EPS15: variants seen among roughly 807,000 people sequenced by gnomAD.
The protein encoded by EPS15 is epidermal growth factor receptor pathway substrate 15, also known as epidermal growth factor receptor substrate 15.
A neutral mutation model predicts 113.8 loss-of-function variants in EPS15; 72 were observed. The ratio of observed to expected loss-of-function variants is 0.63; its 90% CI spans 0.52 to 0.77. The LOEUF is 0.77. Ranked by LOEUF, EPS15 falls within the 30% of genes least tolerant of loss-of-function variation. The pLI, the probability that EPS15 is intolerant of heterozygous loss-of-function variation, is 0.00. For synonymous variants in EPS15, 344 were observed against 363.4 expected, an observed-to-expected ratio of 0.95 and a Z score of 0.61; for missense variants, 1,048 against 1,045.8, an observed-to-expected ratio of 1.00 and a Z score of -0.03.
intron 1 of EPS15, among the ~76,000 whole-genome samples, chr1:51,489,287 A>G (rs1644185916): frequency 1.0e-5 from 1 of 97,126 alleles, no homozygotes; most frequent in African/African-American, 3.5e-5. Flanking sequence ...CTAGTATACC[A>G]TATATATATA....
chr1:51,510,790 G>A (rs1371223471), intron 1 of EPS15, among the ~76,000 whole-genome samples: 1 of 152,116 alleles, frequency 6.6e-6, no homozygotes, highest in Non-Finnish European at 1.5e-5. Context: ...GCAGGCTTAA[G>A]AATAAAAATA....
At chr1:51,501,504 G>A (rs939267370) in intron 1 of EPS15, among the ~76,000 whole-genome samples, 2 of 151,890 alleles carry the variant, frequency 1.3e-5, no homozygotes, top group Non-Finnish European at 2.9e-5. Context: ...TTCTTGAGAC[G>A]AGTCTTGCTC....
intron 7 of EPS15, among the ~76,000 whole-genome samples, chr1:51,462,739 T>A (rs1259492505): frequency 6.6e-6 from 1 of 152,078 alleles, no homozygotes; most frequent in African/African-American, 2.4e-5. Context: ...TGGGGATAGT[T>A]GCATAATAAT....
chr1:51,482,744 G>C (rs1644044857), intron 1 of EPS15, among the ~76,000 whole-genome samples: 2 of 152,114 alleles, frequency 1.3e-5, no homozygotes, highest in Admixed American at 1.3e-4. Context: ...GGGATTACAA[G>C]CATGAGCCAC....
intron 11 of EPS15, among the ~76,000 whole-genome samples, chr1:51,443,652 TC>T (rs1652775780): frequency 1.3e-5 from 2 of 152,016 alleles, no homozygotes. Context: ...TTTCTTTCTT[TC>T]TTTCTTTTTT....
intron 12 of EPS15, among the ~76,000 whole-genome samples, chr1:51,424,867 C>T (rs1222894874): frequency 6.6e-6 from 1 of 151,982 alleles, no homozygotes; most frequent in Non-Finnish European, 1.5e-5. Context: ...CAGGCCACTG[C>T]ACTCCAGCCT....
intron 8 of EPS15, chr1:51,458,746 A>C (rs2148496582): frequency 4.2e-6 from 1 of 238,318 alleles, no homozygotes; most frequent in Middle Eastern, 1.7e-3. Flanking sequence ...AAAAAAAAAA[A>C]AAATTTGTCT....
At chr1:51,408,716 T>C (rs1649385769) in intron 14 of EPS15, among the ~76,000 whole-genome samples, 1 of 152,066 alleles carries the variant, frequency 6.6e-6, no homozygotes. Context: ...AGGCTCAACT[T>C]TCCCAGGCTC....
Position 51,516,509 on chromosome 1 carries a change from C to G in EPS15, c.33+2690G>C, listed in dbSNP as rs917908447. On this transcript the variant is annotated intron_variant, in intron 1 of 24. Transcript: ENST00000371733. The stretch of plus-strand genomic sequence containing the variant: ...ACTAACATTTTGGTACTCTAGCATT[C>G]TATCATCTCTAGAAGCTAGACTATA... 3.9e-5 allele frequency among the ~76,000 whole-genome samples: 6 copies of G among 152,272 alleles called. No homozygotes were observed. The East Asian group carries it at 1.2e-3, about 29-fold the overall frequency.
chr1:51,432,943 A>C (rs1651852041), intron 12 of EPS15, among the ~76,000 whole-genome samples: 1 of 152,240 alleles, frequency 6.6e-6, no homozygotes, highest in Admixed American at 6.5e-5. Context: ...AGAGGGTCAC[A>C]AACACATCAA....
At chr1:51,518,348 TC>T (rs942254661) in intron 1 of EPS15, 12 of 152,552 alleles carry the variant, frequency 7.9e-5, no homozygotes, top group Admixed American at 7.2e-4. Flanking sequence ...TGCTGAGGAT[TC>T]CCCCCAAGAA....
At chr1:51,448,263 G>A (rs1408610560) in intron 8 of EPS15, 128 bp from the exon 9 acceptor site, 3 of 493,582 alleles carry the variant, frequency 6.1e-6, no homozygotes, top group South Asian at 4.9e-5. Context: ...TGGGCTGGGA[G>A]GGAAAGAAGA....
At chr1:51,437,163 T>C (rs1388766456) in intron 12 of EPS15, among the ~76,000 whole-genome samples, 1 of 152,094 alleles carries the variant, frequency 6.6e-6, no homozygotes, top group Non-Finnish European at 1.5e-5. Flanking sequence ...TAGAAACAAT[T>C]TGGTGAACTA....
rs1646220036 is a variant in EPS15, at chr1:51,356,497, T to TA, written c.*202_*203insT. ...CTAAGTGAAGGTGAATTTGTCTGACTGGGTTACGGCTTTTATAAGAAAAAA... is the reference window on the plus strand; with the variant it reads ...CTAAGTGAAGGTGAATTTGTCTGACTAGGGTTACGGCTTTTATAAGAAAAAA... On this transcript the variant is annotated 3_prime_UTR_variant, in exon 25 of 25. Transcript: ENST00000371733. 2.1e-6 allele frequency: 1 copy of TA among 472,658 alleles called. No individual in the cohort carries two copies. Among genetic ancestry groups the TA allele is most frequent in the Admixed American group, 4.0e-5 (1 of 25,232 alleles). The allele number at this position is 472,658 out of a possible 1,614,324, so 29.3% of individuals were successfully genotyped here. A position where few individuals can be genotyped will look rare whatever the true frequency, so the allele number is the denominator to read the frequency against.
At chr1:51,483,611 T>G (rs1444463392) in intron 1 of EPS15, among the ~76,000 whole-genome samples, 1 of 151,822 alleles carries the variant, frequency 6.6e-6, no homozygotes, top group Non-Finnish European at 1.5e-5. Context: ...ATCAAGACCA[T>G]CTTGGCCAAC....
At chr1:51,389,767 G>A (rs935893770) in intron 21 of EPS15, among the ~76,000 whole-genome samples, 44 of 152,220 alleles carry the variant, frequency 2.9e-4, no homozygotes, top group Non-Finnish European at 5.0e-4. Context: ...AGGGACATGA[G>A]GGACCTCTTC....
chr1:51,409,569 T>G lies in EPS15; in HGVS notation c.1241A>C (p.Glu414Ala), dbSNP rs1361140053. Reference protein sequence around the residue: ...QKAQLEEQLKEVRKKCAEEAQ... With the variant: ...QKAQLEEQLKAVRKKCAEEAQ... Reference sequence around the variant, plus strand: ...CTCCTCAGCACATTTCTTTCTGACTTCCTTGAGTTGCTCCTCCAGCTGGGC... The same window carrying G: ...CTCCTCAGCACATTTCTTTCTGACTGCCTTGAGTTGCTCCTCCAGCTGGGC... The change falls in exon 14 of 25, where the codon GAA becomes GCA. Residue 414 changes from glutamate (E) to alanine (A), a missense_variant. Transcript: ENST00000371733. The G allele has an allele frequency of 8.1e-6, 13 of 1,613,740 alleles. No individual in the cohort carries two copies. The highest frequency in any genetic ancestry group is 1.7e-5 in the Admixed American group (1 of 59,872).
At chr1:51,369,195 C>T (rs1646583842) in intron 21 of EPS15, among the ~76,000 whole-genome samples, 1 of 152,220 alleles carries the variant, frequency 6.6e-6, no homozygotes, top group Non-Finnish European at 1.5e-5. Context: ...AGTTTTTCTA[C>T]ACTTTCCTCA....
At chr1:51,436,890 T>C (rs1209931415) in intron 12 of EPS15, among the ~76,000 whole-genome samples, 2 of 152,156 alleles carry the variant, frequency 1.3e-5, no homozygotes, top group African/African-American at 4.8e-5. Context: ...CATATCCTAC[T>C]AGATGTTCAG....
Sources: gnomAD v4.1 joint callset for allele counts (sites outside exome capture counted in the v4.1 genomes callset) on GRCh38, gnomAD v4.1.1 for gene constraint, MANE v1.5 for transcripts, NCBI Gene and HGNC (gene_info 2026-07-23, HGNC 2026-07-21) for gene names.